The following SUGCT variants were observed in gnomAD, a reference collection of about 807,000 sequenced individuals.
SUGCT encodes succinyl-CoA:glutarate CoA-transferase.
In SUGCT, 41 loss-of-function variants were observed where a neutral mutation model predicts 55.0. That is an observed-to-expected ratio of 0.74 (90% CI 0.58 to 0.97). SUGCT has a LOEUF of 0.97. SUGCT is among the 50% of genes least tolerant of loss of function. The pLI, the probability that SUGCT is intolerant of heterozygous loss-of-function variation, is 0.00. For missense variants in SUGCT, 568 were observed against 547.8 expected (o/e 1.04, Z -0.37); for synonymous variants, 187 against 200.4 (o/e 0.93, Z 0.56).
intron 6 of SUGCT, among the ~76,000 whole-genome samples, chr7:40,204,402 A>G (rs1786822894): frequency 6.6e-6 from 1 of 150,694 alleles, no homozygotes; most frequent in African/African-American, 2.4e-5. Flanking sequence ...TCCCGGGTTC[A>G]CGCCATTCTC....
At chr7:40,181,880 C>A in intron 2 of SUGCT, 75 bp from the exon 3 acceptor site, 1 of 926,266 alleles carries the variant, frequency 1.1e-6, no homozygotes, top group Non-Finnish European at 1.7e-6. Context: ...TCTGTGTTGA[C>A]GGGTTGTTGG....
the SUGCT span, among the ~76,000 whole-genome samples, chr7:40,890,825 G>C: frequency 6.6e-6 from 1 of 152,116 alleles, no homozygotes; most frequent in Non-Finnish European, 1.5e-5. Flanking sequence ...TAAAGAAATG[G>C]ATATCTATGA....
intron 12 of SUGCT, among the ~76,000 whole-genome samples, chr7:40,710,434 G>A (rs1785651406): frequency 6.6e-6 from 1 of 152,110 alleles, no homozygotes. Context: ...TATAGATGGT[G>A]AGTAAGGGGC....
chr7:40,663,561 C>G (rs1376611077), intron 12 of SUGCT, among the ~76,000 whole-genome samples: 1 of 151,802 alleles, frequency 6.6e-6, no homozygotes, highest in African/African-American at 2.4e-5. Context: ...CCCCAAGTCT[C>G]TCTTGGAGAT....
intron 7 of SUGCT, among the ~76,000 whole-genome samples, chr7:40,263,136 G>C (rs1317510694): frequency 6.6e-6 from 1 of 152,106 alleles, no homozygotes; most frequent in Admixed American, 6.6e-5. Context: ...TGGCCAGGCT[G>C]GTCTTGAACT....
At chr7:41,000,481 G>GT in the SUGCT span, among the ~76,000 whole-genome samples, 1 of 146,424 alleles carries the variant, frequency 6.8e-6, no homozygotes, top group African/African-American at 2.7e-5. Context: ...GCCTAACTTA[G>GT]TTGTTTTTTT....
the SUGCT span, among the ~76,000 whole-genome samples, chr7:41,037,073 A>G: frequency 6.6e-6 from 1 of 152,214 alleles, no homozygotes; most frequent in Non-Finnish European, 1.5e-5. Flanking sequence ...TAAAATGGAT[A>G]GACAAATCCT....
At chr7:40,463,957 G>T (rs995673380) in intron 11 of SUGCT, among the ~76,000 whole-genome samples, 2 of 152,162 alleles carry the variant, frequency 1.3e-5, no homozygotes, top group African/African-American at 2.4e-5. Context: ...ATGCTAAGGA[G>T]CAACAAACTC....
intron 9 of SUGCT, among the ~76,000 whole-genome samples, chr7:40,356,022 G>A (rs1797871238): frequency 6.6e-6 from 1 of 152,212 alleles, no homozygotes; most frequent in South Asian, 2.1e-4. Flanking sequence ...AAATTCCTCA[G>A]TTGCTCCGTT....
chr7:40,178,459 A>C (rs1403189152), intron 1 of SUGCT, among the ~76,000 whole-genome samples: 1 of 152,144 alleles, frequency 6.6e-6, no homozygotes, highest in East Asian at 1.9e-4. Context: ...GTGACTAAAA[A>C]TATATTTTTT....
At chr7:40,207,835 C>T (rs1208411885) in intron 6 of SUGCT, among the ~76,000 whole-genome samples, 1 of 151,996 alleles carries the variant, frequency 6.6e-6, no homozygotes, top group Non-Finnish European at 1.5e-5. Context: ...TATGATTCAG[C>T]AATTTTATTT....
chr7:40,779,792 C>T (rs1789641299), intron 13 of SUGCT, among the ~76,000 whole-genome samples: 1 of 152,126 alleles, frequency 6.6e-6, no homozygotes, highest in Non-Finnish European at 1.5e-5. Flanking sequence ...AGGAATGTCA[C>T]CTATGTCTCC....
At chr7:40,946,378 A>G in the SUGCT span, among the ~76,000 whole-genome samples, 571 of 152,240 alleles carry the variant, frequency 3.8e-3, 40 homozygotes, top group South Asian at 0.11. Flanking sequence ...ACATGTGGAT[A>G]CAAGCTGTGG....
intron 12 of SUGCT, among the ~76,000 whole-genome samples, chr7:40,582,698 G>A (rs139569825): frequency 8.5e-5 from 13 of 152,146 alleles, no homozygotes; most frequent in East Asian, 1.9e-4. Context: ...CTCTGGCGTC[G>A]ATAACTTCAG....
intron 6 of SUGCT, among the ~76,000 whole-genome samples, chr7:40,210,899 AG>A (rs1422309753): frequency 6.6e-6 from 1 of 152,200 alleles, no homozygotes; most frequent in African/African-American, 2.4e-5. Flanking sequence ...AGGGTGGTGT[AG>A]GTAATCCAAA....
intron 11 of SUGCT, among the ~76,000 whole-genome samples, chr7:40,473,895 A>G (rs1318029492): frequency 1.3e-5 from 2 of 152,058 alleles, no homozygotes; most frequent in African/African-American, 4.8e-5. Flanking sequence ...CCTAACTTTT[A>G]CTTGAGTTAT....
the SUGCT span, among the ~76,000 whole-genome samples, chr7:40,894,113 G>A: frequency 6.6e-6 from 1 of 151,262 alleles, no homozygotes; most frequent in Non-Finnish European, 1.5e-5. Context: ...AAAACAGCAT[G>A]GTACTGATAC....
At chr7:40,711,043 A>G (rs1785685499) in intron 12 of SUGCT, among the ~76,000 whole-genome samples, 1 of 152,226 alleles carries the variant, frequency 6.6e-6, no homozygotes, top group Non-Finnish European at 1.5e-5. Flanking sequence ...AACAAGGTTA[A>G]TGAAACTTCT....
At chr7:40,933,439 T>C in the SUGCT span, among the ~76,000 whole-genome samples, 5 of 152,200 alleles carry the variant, frequency 3.3e-5, no homozygotes, top group East Asian at 1.9e-4. Flanking sequence ...AGGAATATCT[T>C]TGTGGCATTC....
Sources: gnomAD v4.1 joint callset for allele counts (sites outside exome capture counted in the v4.1 genomes callset) on GRCh38, gnomAD v4.1.1 for gene constraint, MANE v1.5 for transcripts, NCBI Gene and HGNC (gene_info 2026-07-23, HGNC 2026-07-21) for gene names.